SPON1: variants seen among roughly 807,000 people sequenced by gnomAD.
SPON1 encodes spondin 1.
SPON1 carries 52 observed loss-of-function variants against 111.7 expected under a neutral mutation model. The ratio of observed to expected loss-of-function variants is 0.47; its 90% confidence interval spans 0.37 to 0.59. SPON1 has a LOEUF of 0.59. SPON1 is among the 20% of genes least tolerant of loss of function. The probability of loss-of-function intolerance (pLI) is 0.00; values close to 1 mark genes in which losing one functional copy is unlikely to be tolerated. For synonymous variants in SPON1, 410 were observed against 395.8 expected, an observed-to-expected ratio of 1.04 and a Z score of -0.43; for missense variants, 957 against 1,068.5, an observed-to-expected ratio of 0.90 and a Z score of 1.46.
Position 14,160,739 on chromosome 11 carries a change from A to ATAT in SPON1, c.825+25171_825+25172insTAT, listed in dbSNP as rs1333343096. ...TATATTTATATATTTATATATATTT[A>ATAT]ATTTATATATATTTATATATATTTA... is the stretch of plus-strand genomic sequence containing the variant. On this transcript the variant is annotated intron_variant, in intron 6 of 15. Transcript: ENST00000576479. 9.0e-3 allele frequency among the ~76,000 whole-genome samples: 228 copies of ATAT among 25,282 alleles called. 40 individuals are homozygous for ATAT. The highest frequency in any genetic ancestry group is 0.029 in the African/African-American group (216 of 7,410). The allele number at this position is 25,282 out of a possible 152,430, so 16.6% of individuals were successfully genotyped here.
intron 6 of SPON1, among the ~76,000 whole-genome samples, chr11:14,230,468 C>A (rs916943304): frequency 6.6e-6 from 1 of 152,200 alleles, no homozygotes; most frequent in Non-Finnish European, 1.5e-5. Context: ...TTTAAAGATA[C>A]TCCTTGCCTA....
chr11:14,126,197 T>C (rs899599034), intron 5 of SPON1, among the ~76,000 whole-genome samples: 1 of 152,150 alleles, frequency 6.6e-6, no homozygotes, highest in Non-Finnish European at 1.5e-5. Context: ...CATAACTACT[T>C]TGATCAAATG....
At chr11:13,986,905 A>G (rs1226801953) in intron 2 of SPON1, among the ~76,000 whole-genome samples, 1 of 152,036 alleles carries the variant, frequency 6.6e-6, no homozygotes, top group Non-Finnish European at 1.5e-5. Flanking sequence ...ATCCTTTTTT[A>G]TGGCTGCATA....
chr11:14,074,277 T>C (rs1848899298), intron 3 of SPON1, among the ~76,000 whole-genome samples: 1 of 152,216 alleles, frequency 6.6e-6, no homozygotes, highest in African/African-American at 2.4e-5. Context: ...TGTGCAAGAC[T>C]AGATGTAGAG....
chr11:14,152,590 G>A (rs1284385424), intron 6 of SPON1, among the ~76,000 whole-genome samples: 1 of 152,148 alleles, frequency 6.6e-6, no homozygotes, highest in Non-Finnish European at 1.5e-5. Context: ...GGAATTTCTT[G>A]ATAGGGAATA....
chr11:14,186,198 C>G (rs1337588999), intron 6 of SPON1, among the ~76,000 whole-genome samples: 1 of 152,186 alleles, frequency 6.6e-6, no homozygotes, highest in African/African-American at 2.4e-5. Context: ...TTTTTATCTG[C>G]TCAAGCCAAC....
chr11:14,261,211 C>G (rs1564944300), intron 14 of SPON1, among the ~76,000 whole-genome samples: 1 of 152,154 alleles, frequency 6.6e-6, no homozygotes, highest in Non-Finnish European at 1.5e-5. Flanking sequence ...GCCAAGTTCT[C>G]AAAAACTCAC....
intron 5 of SPON1, among the ~76,000 whole-genome samples, chr11:14,125,345 A>G (rs1308943820): frequency 6.6e-6 from 1 of 152,238 alleles, no homozygotes; most frequent in East Asian, 1.9e-4. Context: ...TGCATGGATG[A>G]GTCTGTAGAT....
rs782544844 is a variant in SPON1, at chr11:14,135,593, A to G, written c.825+25A>G. On this transcript the variant is annotated intron_variant, in intron 6 of 15. Transcript: ENST00000576479. The surrounding 1 kb of genome is among the most constrained non-coding windows in gnomAD (Gnocchi z 4.4). ...GGTAAGACAAAAAAATCACAGAATG[A>G]CCAAATAACAGAAATGCAGTCAAAG... 3.1e-6 allele frequency: 5 copies of G among 1,607,948 alleles called. No homozygotes were observed. The highest frequency in any genetic ancestry group is 2.6e-6 in the Non-Finnish European group (3 of 1,175,322).
At chr11:14,211,871 G>A (rs1371672818) in intron 6 of SPON1, among the ~76,000 whole-genome samples, 1 of 151,352 alleles carries the variant, frequency 6.6e-6, no homozygotes, top group Admixed American at 6.6e-5. Flanking sequence ...TGTCCTTTAA[G>A]TCTTTTGCAG....
chr11:14,005,227 G>T (rs955148561), intron 2 of SPON1, among the ~76,000 whole-genome samples: 4 of 152,136 alleles, frequency 2.6e-5, no homozygotes, highest in African/African-American at 7.2e-5. Context: ...ATTCTTTGTT[G>T]TTGGCAGCTG....
intron 6 of SPON1, among the ~76,000 whole-genome samples, chr11:14,217,483 A>G (rs1374653257): frequency 6.6e-6 from 1 of 152,170 alleles, no homozygotes; most frequent in Non-Finnish European, 1.5e-5. Context: ...CTGGCTCTTG[A>G]GGGATAATTT....
chr11:14,229,813 C>A (rs778752682), intron 6 of SPON1, among the ~76,000 whole-genome samples: 72 of 152,254 alleles, frequency 4.7e-4, no homozygotes, highest in African/African-American at 1.4e-3. Context: ...TCCACCATAC[C>A]GCTCTTCAAT....
At chr11:14,217,065 C>T (rs73426172) in intron 6 of SPON1, among the ~76,000 whole-genome samples, 127 of 152,234 alleles carry the variant, frequency 8.3e-4, no homozygotes, top group African/African-American at 3.0e-3. Flanking sequence ...AGGTGGCGTG[C>T]GTCATAGGTG....
intron 6 of SPON1, among the ~76,000 whole-genome samples, chr11:14,210,911 G>A (rs2133901677): frequency 6.6e-6 from 1 of 152,242 alleles, no homozygotes; most frequent in African/African-American, 2.4e-5. Flanking sequence ...TCAGATTGTT[G>A]TAGATGTGTG....
intron 6 of SPON1, among the ~76,000 whole-genome samples, chr11:14,205,193 A>C (rs7936301): frequency 0.35 from 53,944 of 152,040 alleles, 9,804 homozygotes; most frequent in Admixed American, 0.44. Flanking sequence ...TCGGAGTACT[A>C]CCATTCCTGC....
At chr11:13,986,895 A>T (rs1216195007) in intron 2 of SPON1, among the ~76,000 whole-genome samples, 1 of 152,124 alleles carries the variant, frequency 6.6e-6, no homozygotes, top group Non-Finnish European at 1.5e-5. Context: ...ACATGAACTC[A>T]TCCTTTTTTA....
intron 6 of SPON1, among the ~76,000 whole-genome samples, chr11:14,195,437 G>A (rs1268485858): frequency 6.6e-6 from 1 of 152,072 alleles, no homozygotes; most frequent in African/African-American, 2.4e-5. Flanking sequence ...GACAAAAGCT[G>A]GAATTATTAA....
chr11:14,129,410 ATGCTGCCGCTCCCTT>A (rs1308160696), intron 5 of SPON1, among the ~76,000 whole-genome samples: 1 of 152,202 alleles, frequency 6.6e-6, no homozygotes, highest in African/African-American at 2.4e-5. Flanking sequence ...CAGAAGAAAA[ATGCTGCCGCTCCCTT>A]TGCTAAAGTG....
Sources: gnomAD v4.1 joint callset for allele counts (sites outside exome capture counted in the v4.1 genomes callset) on GRCh38, gnomAD v4.1.1 for gene constraint, Gnocchi (gnomAD v3.1) non-coding constraint, MANE v1.5 for transcripts, NCBI Gene and HGNC (gene_info 2026-07-23, HGNC 2026-07-21) for gene names.